DISP1: variants seen among roughly 807,000 people sequenced by gnomAD.
The protein encoded by DISP1 is protein dispatched homolog 1.
In DISP1, 30 loss-of-function variants were observed where a neutral mutation model predicts 37.3. The observed-to-expected ratio is 0.80, with a 90% CI of 0.60 to 1.09. The LOEUF (loss-of-function observed/expected upper bound fraction) is 1.09, where lower values mean the gene tolerates loss of function less well. DISP1 is among the 50% of genes least tolerant of loss of function. The probability of loss-of-function intolerance (pLI) is 0.00; values close to 1 mark genes in which losing one functional copy is unlikely to be tolerated. For synonymous variants in DISP1, 634 were observed against 690.2 expected (o/e 0.92, Z 1.28); for missense variants, 1,598 against 1,879.5 (o/e 0.85, Z 2.77).
intron 1 of DISP1, among the ~76,000 whole-genome samples, chr1:222,880,351 G>C (rs950979929): frequency 6.6e-6 from 1 of 152,102 alleles, no homozygotes; most frequent in Non-Finnish European, 1.5e-5. Context: ...CATTGTTCGT[G>C]CTTTTCTATG....
chr1:222,943,581 A>C, intron 3 of DISP1: 1 of 569,608 alleles, frequency 1.8e-6, no homozygotes, highest in Non-Finnish European at 3.1e-6. Context: ...GGTTAGGAAT[A>C]TCTGCTAGAC....
chr1:222,987,223 C>T (rs1158746880), intron 4 of DISP1, among the ~76,000 whole-genome samples: 1 of 152,088 alleles, frequency 6.6e-6, no homozygotes, highest in Non-Finnish European at 1.5e-5. Flanking sequence ...CATGTGGTAC[C>T]CACAGCTATA....
intron 3 of DISP1, among the ~76,000 whole-genome samples, chr1:222,982,257 T>C (rs61837506): frequency 0.13 from 19,069 of 152,246 alleles, 1,547 homozygotes; most frequent in Non-Finnish European, 0.19. Context: ...AAAATCTGGC[T>C]TTACACACAT....
intron 3 of DISP1, among the ~76,000 whole-genome samples, chr1:222,945,504 A>T (rs1399628965): frequency 1.3e-5 from 2 of 152,196 alleles, no homozygotes. Context: ...TTACAACATA[A>T]AACTGGTGAA....
At chr1:222,988,305 G>T (rs1370470947) in intron 4 of DISP1, among the ~76,000 whole-genome samples, 1 of 152,158 alleles carries the variant, frequency 6.6e-6, no homozygotes, top group Non-Finnish European at 1.5e-5. Flanking sequence ...GGCAAGTGTA[G>T]TTATTCCTAA....
chr1:222,897,987 A>AT lies in DISP1; in HGVS notation c.-158-30437dup, dbSNP rs1310733923. Among the ~76,000 whole-genome samples the AT allele has an allele frequency of 3.9e-5, 6 of 152,182 alleles. No homozygotes were observed. In the South Asian group the frequency reaches 8.3e-4, roughly 21 times the overall value. ...CAGTAAGTAGTACATTTTTACTGTA[A>AT]TTTTTTCCCCTGCTTTGTATCTTGA... On this transcript the variant is annotated intron_variant, in intron 1 of 8. Transcript: ENST00000675850.
intron 1 of DISP1, among the ~76,000 whole-genome samples, chr1:222,917,693 C>T (rs1035363167): frequency 3.3e-5 from 5 of 152,156 alleles, no homozygotes; most frequent in East Asian, 1.9e-4. Context: ...TTGCCTTGTA[C>T]GGTCTTCTTT....
At chr1:222,816,481 A>G (rs1486392363) in intron 1 of DISP1, among the ~76,000 whole-genome samples, 1 of 152,188 alleles carries the variant, frequency 6.6e-6, no homozygotes, top group African/African-American at 2.4e-5. Context: ...CAGGTGTTTC[A>G]CATTTCAAAT....
At chr1:222,903,935 G>A (rs1405602311) in intron 1 of DISP1, among the ~76,000 whole-genome samples, 1 of 152,188 alleles carries the variant, frequency 6.6e-6, no homozygotes, top group Non-Finnish European at 1.5e-5. Context: ...CATCAAATTT[G>A]TGCTTAAATA....
At chr1:223,000,530 G>T (rs1472348139) in intron 8 of DISP1, among the ~76,000 whole-genome samples, 2 of 152,096 alleles carry the variant, frequency 1.3e-5, no homozygotes, top group African/African-American at 4.8e-5. Context: ...AACCTTTTGG[G>T]TTCATTTTTC....
chr1:223,000,206 T>C (rs35002298), intron 8 of DISP1, among the ~76,000 whole-genome samples: 3,185 of 152,266 alleles, frequency 0.021, 112 homozygotes, highest in African/African-American at 0.069. Flanking sequence ...TTTTCTTCCA[T>C]TTGAAAACTG....
chr1:222,904,702 G>A (rs1409991110), intron 1 of DISP1, among the ~76,000 whole-genome samples: 2 of 151,714 alleles, frequency 1.3e-5, no homozygotes, highest in African/African-American at 4.8e-5. Flanking sequence ...TGAGTAACTG[G>A]GACTACAGGC....
Position 222,942,782 on chromosome 1 carries a change from G to A in DISP1, c.-17-25G>A, listed in dbSNP as rs1190507339. 6.2e-6 allele frequency: 10 copies of A among 1,613,724 alleles called. No individual in the cohort carries two copies. The African/African-American group carries it at 1.3e-4, about 22-fold the overall frequency. ...TATTTGCCTGCCTGACTGTAACTGG[G>A]CGATTTTATGATTTTCTTACTTAGA... is the stretch of plus-strand genomic sequence containing the variant. On this transcript the variant is annotated intron_variant, in intron 2 of 8. Coordinates refer to ENST00000675850, the MANE Select transcript of DISP1 (RefSeq NM_001377229.1).
intron 1 of DISP1, among the ~76,000 whole-genome samples, chr1:222,898,811 A>G (rs1232698853): frequency 6.6e-6 from 1 of 152,088 alleles, no homozygotes; most frequent in Non-Finnish European, 1.5e-5. Flanking sequence ...GTTTGGTTAT[A>G]TTATGTTACT....
At chr1:222,970,907 A>G (rs1384352380) in intron 3 of DISP1, among the ~76,000 whole-genome samples, 2 of 152,150 alleles carry the variant, frequency 1.3e-5, no homozygotes, top group African/African-American at 4.8e-5. Flanking sequence ...TGGTTGCCCT[A>G]GTGCCAAAGT....
chr1:222,845,893 T>C (rs1667868667), intron 1 of DISP1, among the ~76,000 whole-genome samples: 1 of 152,154 alleles, frequency 6.6e-6, no homozygotes, highest in African/African-American at 2.4e-5. Context: ...TGAATCTGGA[T>C]TTTTAGTGAC....
At chr1:222,905,935 A>G (rs760535345) in intron 1 of DISP1, among the ~76,000 whole-genome samples, 3 of 152,214 alleles carry the variant, frequency 2.0e-5, no homozygotes, top group Non-Finnish European at 4.4e-5. Context: ...CTATAGTGCA[A>G]TCTGTAAAAA....
At chr1:222,868,530 C>A (rs1189668116) in intron 1 of DISP1, among the ~76,000 whole-genome samples, 1 of 151,986 alleles carries the variant, frequency 6.6e-6, no homozygotes, top group African/African-American at 2.4e-5. Context: ...ACTTTTTCTT[C>A]ATTTATTGTT....
intron 1 of DISP1, among the ~76,000 whole-genome samples, chr1:222,830,424 A>G (rs1045734736): frequency 8.6e-5 from 13 of 150,652 alleles, no homozygotes; most frequent in African/African-American, 3.2e-4. Context: ...CCTGTCACCC[A>G]GGCTGGAGTG....
Sources: allele counts gnomAD v4.1 joint callset (sites outside exome capture counted in the v4.1 genomes callset), GRCh38; gene constraint gnomAD v4.1.1; transcripts MANE v1.5; gene names NCBI Gene and HGNC (gene_info 2026-07-23, HGNC 2026-07-21).